Variants in CCDC3 observed in about 807,000 individuals in gnomAD.
CCDC3 encodes coiled-coil domain containing 3, also known as coiled-coil domain-containing protein 3.
CCDC3 carries 24 observed loss-of-function variants against 21.4 expected under a neutral mutation model. The observed-to-expected ratio is 1.12, with a 90% CI of 0.81 to 1.58. The LOEUF is 1.58. Ranked by LOEUF, CCDC3 falls within the 40% of genes most tolerant of loss-of-function variation. CCDC3 has a pLI of 0.00. For missense variants in CCDC3, 425 were observed against 360.9 expected (o/e 1.18, Z -1.44); for synonymous variants, 186 against 166.0 (o/e 1.12, Z -0.93).
intron 2 of CCDC3, among the ~76,000 whole-genome samples, chr10:12,980,775 C>G (rs1391826166): frequency 6.6e-6 from 1 of 152,090 alleles, no homozygotes; most frequent in Non-Finnish European, 1.5e-5. Flanking sequence ...TCTACATATT[C>G]AGACCCCACG....
At chr10:13,070,405 G>A (rs1030871012) in intron 4 of CCDC3, among the ~76,000 whole-genome samples, 1 of 152,186 alleles carries the variant, frequency 6.6e-6, no homozygotes, top group Non-Finnish European at 1.5e-5. Flanking sequence ...TGGAGAACCT[G>A]GTTGCTTTAC....
chr10:13,056,888 A>T (rs1473759875), intron 4 of CCDC3, among the ~76,000 whole-genome samples: 1 of 152,150 alleles, frequency 6.6e-6, no homozygotes, highest in Admixed American at 6.5e-5. Context: ...TTTCTGTGGA[A>T]TTAATTAATT....
chr10:13,099,332 G>C (rs1010969014), intron 1 of CCDC3: 3 of 151,844 alleles, frequency 2.0e-5, no homozygotes, highest in Non-Finnish European at 2.9e-5. Flanking sequence ...AGGTTTTGTT[G>C]TTGTTGTTTT....
chr10:12,951,491 G>C (rs535470290), intron 2 of CCDC3, among the ~76,000 whole-genome samples: 2 of 152,172 alleles, frequency 1.3e-5, no homozygotes, highest in Non-Finnish European at 2.9e-5. Flanking sequence ...AAGCAGGGTG[G>C]ACAGGAAGTA....
At chr10:12,934,286 G>A (rs150121818) in intron 2 of CCDC3, among the ~76,000 whole-genome samples, 22 of 152,192 alleles carry the variant, frequency 1.4e-4, no homozygotes, top group South Asian at 4.2e-4. Flanking sequence ...TTCCATTGTC[G>A]TCTTTCCATT....
intron 5 of CCDC3, among the ~76,000 whole-genome samples, chr10:13,011,185 G>GAAAA (rs1201426446): frequency 7.2e-6 from 1 of 138,184 alleles, no homozygotes; most frequent in Admixed American, 7.2e-5. Context: ...TGTCTCAGAA[G>GAAAA]AAAAAAAAAA....
At chr10:12,906,891 CTT>C (rs1383415050) in intron 2 of CCDC3, among the ~76,000 whole-genome samples, 1 of 152,200 alleles carries the variant, frequency 6.6e-6, no homozygotes, top group African/African-American at 2.4e-5. Context: ...CCTAGGTCCT[CTT>C]GAGTGTCTGT....
chr10:12,960,168 A>AACACACACACACACACACACAC (rs10626900), intron 2 of CCDC3, among the ~76,000 whole-genome samples: 12 of 148,854 alleles, frequency 8.1e-5, no homozygotes, highest in African/African-American at 2.5e-4. Context: ...ACACACACAC[A>AACACACACACACACACACACAC]ACACACACAC....
chr10:12,991,297 CAT>C (rs1398702306), intron 2 of CCDC3, among the ~76,000 whole-genome samples: 3 of 150,838 alleles, frequency 2.0e-5, no homozygotes, highest in Non-Finnish European at 4.4e-5. Context: ...AAAGCTTGAA[CAT>C]ATGTTTTTTT....
At chr10:13,045,458 T>C (rs758699389) in intron 5 of CCDC3, among the ~76,000 whole-genome samples, 21 of 151,772 alleles carry the variant, frequency 1.4e-4, no homozygotes, top group Non-Finnish European at 2.9e-5. Flanking sequence ...TGAAACCCTG[T>C]CTCTACTAAA....
chr10:13,032,941 C>T (rs139667211), intron 5 of CCDC3, among the ~76,000 whole-genome samples: 39,760 of 152,034 alleles, frequency 0.26, 6,135 homozygotes, highest in Non-Finnish European at 0.35. Context: ...GATTCAATGC[C>T]ATCCCCATCA....
At chr10:13,043,440 A>G (rs900161820) in intron 5 of CCDC3, among the ~76,000 whole-genome samples, 2 of 152,084 alleles carry the variant, frequency 1.3e-5, no homozygotes, top group African/African-American at 4.8e-5. Flanking sequence ...TAAAAAAACA[A>G]AACTTAGCCA....
chr10:13,032,420 A>G (rs983389897), intron 5 of CCDC3, among the ~76,000 whole-genome samples: 19 of 152,312 alleles, frequency 1.2e-4, no homozygotes, highest in African/African-American at 4.6e-4. Context: ...ATTCCCATTG[A>G]AAACTGGCAT....
chr10:13,072,858 C>A (rs1588415128), intron 4 of CCDC3, among the ~76,000 whole-genome samples: 1 of 96,730 alleles, frequency 1.0e-5, no homozygotes. Context: ...CTTTTCTTTT[C>A]TTTTCTTTCT....
At chr10:13,044,201 GTTA>G (rs1836496136) in intron 5 of CCDC3, among the ~76,000 whole-genome samples, 1 of 152,110 alleles carries the variant, frequency 6.6e-6, no homozygotes, top group African/African-American at 2.4e-5. Context: ...TTCTAATAAG[GTTA>G]TTGTTTCTTG....
chr10:13,087,176 G>A (rs112153607), intron 3 of CCDC3, among the ~76,000 whole-genome samples: 7 of 152,204 alleles, frequency 4.6e-5, no homozygotes, highest in African/African-American at 1.2e-4. Flanking sequence ...AGGCCAAGGC[G>A]GGTGGATCAC....
chr10:12,990,878 T>A (rs759979492), intron 2 of CCDC3, among the ~76,000 whole-genome samples: 12 of 152,160 alleles, frequency 7.9e-5, no homozygotes, highest in Non-Finnish European at 1.8e-4. Context: ...ATACAGAAAG[T>A]TCATTGATAA....
chr10:13,002,026 T>G (rs1835865563), upstream of CCDC3, among the ~76,000 whole-genome samples: 1 of 152,230 alleles, frequency 6.6e-6, no homozygotes, highest in African/African-American at 2.4e-5. Flanking sequence ...ATTTGCACGA[T>G]TACTGCCTAA....
chr10:12,902,045 A>C (rs1834101438), intron 2 of CCDC3, among the ~76,000 whole-genome samples: 1 of 152,062 alleles, frequency 6.6e-6, no homozygotes, highest in Non-Finnish European at 1.5e-5. Flanking sequence ...CGCCGTAGCT[A>C]TTCACACCAC....
Sources: allele counts gnomAD v4.1 joint callset (sites outside exome capture counted in the v4.1 genomes callset), GRCh38; gene constraint gnomAD v4.1.1; transcripts MANE v1.5; gene names NCBI Gene and HGNC (gene_info 2026-07-23, HGNC 2026-07-21).